FOXP2: variants seen among roughly 807,000 people sequenced by gnomAD.
The protein encoded by FOXP2 is forkhead box protein P2.
A neutral mutation model predicts 115.8 loss-of-function variants in FOXP2; 12 were observed. That is an observed-to-expected ratio of 0.10 (90% CI 0.07 to 0.17). The LOEUF (loss-of-function observed/expected upper bound fraction) is 0.17. Ranked by LOEUF, FOXP2 falls within the 10% of genes least tolerant of loss-of-function variation. The pLI, the probability that FOXP2 is intolerant of heterozygous loss-of-function variation, is 1.00. For missense variants in FOXP2, 629 were observed against 843.5 expected, an observed-to-expected ratio of 0.75 and a Z score of 3.15; for synonymous variants, 328 against 297.7, an observed-to-expected ratio of 1.10 and a Z score of -1.05.
At chr7:114,184,173 T>C (rs1394707785) in intron 1 of FOXP2, among the ~76,000 whole-genome samples, 1 of 152,206 alleles carries the variant, frequency 6.6e-6, no homozygotes, top group Non-Finnish European at 1.5e-5. Context: ...GGACTCTTTA[T>C]TAAGAAATCT....
intron 2 of FOXP2, among the ~76,000 whole-genome samples, chr7:114,396,484 GA>G (rs1792744351): frequency 1.3e-5 from 2 of 151,984 alleles, no homozygotes; most frequent in Non-Finnish European, 1.5e-5. Context: ...TCAACATACT[GA>G]TTTCATTTTC....
chr7:114,575,302 C>T (rs1217382697), intron 3 of FOXP2, among the ~76,000 whole-genome samples: 1 of 151,708 alleles, frequency 6.6e-6, no homozygotes, highest in East Asian at 1.9e-4. Flanking sequence ...ACATAGTAAA[C>T]ATGCAATAGA....
chr7:114,505,747 G>T (rs1331662879), intron 2 of FOXP2, among the ~76,000 whole-genome samples: 1 of 151,418 alleles, frequency 6.6e-6, no homozygotes, highest in African/African-American at 2.4e-5. Flanking sequence ...GGGTTTTTGT[G>T]TGTTCAGAAG....
intron 2 of FOXP2, among the ~76,000 whole-genome samples, chr7:114,372,211 C>A (rs1792025441): frequency 6.6e-6 from 1 of 152,060 alleles, no homozygotes. Flanking sequence ...TCCTGTTCTC[C>A]AATCTTATGA....
chr7:114,580,578 C>T (rs1801799838), intron 3 of FOXP2, among the ~76,000 whole-genome samples: 1 of 146,044 alleles, frequency 6.8e-6, no homozygotes, highest in Non-Finnish European at 1.5e-5. Flanking sequence ...GCGACTCTGT[C>T]TCAAAACAAA....
In FOXP2 at chr7:114,343,387, G is replaced by A. The variant is rs548613809; in HGVS notation, c.-11+55278G>A. On this transcript the variant is annotated intron_variant, in intron 2 of 17. Transcript: ENST00000634411. ...ACTGGCTACATTGCTGCTCATTTAT[G>A]TGGGATGAAAACACTACAAAAAGGG... Among the ~76,000 whole-genome samples the A allele has an allele frequency of 1.8e-3, 272 of 151,668 alleles. 1 individual carries two copies. Among genetic ancestry groups the A allele is most frequent in the African/African-American group, 6.4e-3 (264 of 41,464 alleles).
intron 2 of FOXP2, among the ~76,000 whole-genome samples, chr7:114,439,734 GAT>G (rs1491236373): frequency 1.3e-5 from 2 of 149,882 alleles, no homozygotes; most frequent in Non-Finnish European, 3.0e-5. Flanking sequence ...TGTGTATATA[GAT>G]GTGTGTGTGT....
chr7:114,298,568 A>G (rs1796799923), intron 2 of FOXP2, among the ~76,000 whole-genome samples: 1 of 152,220 alleles, frequency 6.6e-6, no homozygotes, highest in South Asian at 2.1e-4. Context: ...GGTAGAAGGC[A>G]ATATAATCTT....
At chr7:114,353,738 C>T (rs1368138599) in intron 2 of FOXP2, among the ~76,000 whole-genome samples, 1 of 152,084 alleles carries the variant, frequency 6.6e-6, no homozygotes, top group Non-Finnish European at 1.5e-5. Context: ...TCTCTACTGT[C>T]ATCTACTGAT....
At chr7:114,334,075 A>G (rs1472645340) in intron 2 of FOXP2, among the ~76,000 whole-genome samples, 1 of 152,162 alleles carries the variant, frequency 6.6e-6, no homozygotes, top group African/African-American at 2.4e-5. Context: ...TTAAGAGTCA[A>G]TATTTTTAAG....
chr7:114,172,376 C>T (rs1793170805), intron 1 of FOXP2, among the ~76,000 whole-genome samples: 1 of 152,094 alleles, frequency 6.6e-6, no homozygotes, highest in African/African-American at 2.4e-5. Context: ...ATAGGCAGAA[C>T]ACAGAAGATT....
intron 1 of FOXP2, among the ~76,000 whole-genome samples, chr7:114,209,157 G>A (rs1794279576): frequency 6.6e-6 from 1 of 152,128 alleles, no homozygotes. Context: ...GAGTTCTCAT[G>A]AGATCTAATG....
chr7:114,322,435 G>C (rs560668881), intron 2 of FOXP2, among the ~76,000 whole-genome samples: 185 of 152,078 alleles, frequency 1.2e-3, no homozygotes, highest in Non-Finnish European at 1.8e-3. Context: ...AGGACTGCTT[G>C]AGGCCAGCCT....
chr7:114,182,571 GA>G (rs941237953), intron 1 of FOXP2, among the ~76,000 whole-genome samples: 23 of 150,282 alleles, frequency 1.5e-4, no homozygotes, highest in Admixed American at 4.0e-4. Flanking sequence ...ACACTAATGA[GA>G]TTTTTTGGTA....
At chr7:114,242,195 C>CA (rs766140030) in intron 1 of FOXP2, among the ~76,000 whole-genome samples, 20 of 151,446 alleles carry the variant, frequency 1.3e-4, no homozygotes, top group Non-Finnish European at 2.5e-4. Flanking sequence ...GCCTATAGGT[C>CA]ATTGGTTTGA....
intron 1 of FOXP2, among the ~76,000 whole-genome samples, chr7:114,169,680 A>T (rs1430002576): frequency 2.0e-5 from 3 of 152,104 alleles, no homozygotes; most frequent in Non-Finnish European, 2.9e-5. Flanking sequence ...ATGTGAGGAC[A>T]TGAGATTTGG....
intron 2 of FOXP2, among the ~76,000 whole-genome samples, chr7:114,458,028 G>C (rs182257174): frequency 1.1e-3 from 170 of 152,062 alleles, no homozygotes; most frequent in Middle Eastern, 3.4e-3. Context: ...TAATATATTT[G>C]TAATGACAAT....
Position 114,185,833 on chromosome 7 carries a change from G to A in FOXP2, c.-102+22745G>A, listed in dbSNP as rs541066374. 4.6e-4 allele frequency among the ~76,000 whole-genome samples: 70 copies of A among 152,212 alleles called. 1 individual carries two copies. The highest frequency in any genetic ancestry group is 7.6e-4 in the Non-Finnish European group (52 of 67,996). ...GCGTTTAAAAATATTTTTCTAAGGA[G>A]GAAATAGGTGTTTTAGTATTTACCA... On this transcript the variant is annotated intron_variant, in intron 1 of 17. Transcript: ENST00000634411.
chr7:114,586,586 C>A (rs1802145351), intron 3 of FOXP2, among the ~76,000 whole-genome samples: 1 of 151,782 alleles, frequency 6.6e-6, no homozygotes, highest in African/African-American at 2.4e-5. Flanking sequence ...GAACTATTTG[C>A]TTTTATTTAA....
Sources: allele counts gnomAD v4.1 joint callset (sites outside exome capture counted in the v4.1 genomes callset), GRCh38; gene constraint gnomAD v4.1.1; transcripts MANE v1.5; gene names NCBI Gene and HGNC (gene_info 2026-07-23, HGNC 2026-07-21).